PDXDC1: variants seen among roughly 807,000 people sequenced by gnomAD.
PDXDC1 encodes the protein pyridoxal dependent decarboxylase domain containing 1.
In PDXDC1, 42 loss-of-function variants were observed where a neutral mutation model predicts 100.1. The observed-to-expected ratio is 0.42, with a 90% confidence interval of 0.33 to 0.54. PDXDC1 has a LOEUF of 0.54. PDXDC1 is among the 20% of genes least tolerant of loss of function. The probability of loss-of-function intolerance (pLI) is 0.10; values close to 1 mark genes in which losing one functional copy is unlikely to be tolerated. For synonymous variants in PDXDC1, 260 were observed against 371.7 expected, an observed-to-expected ratio of 0.70 and a Z score of 3.46; for missense variants, 636 against 979.2, an observed-to-expected ratio of 0.65 and a Z score of 4.68.
chr16:15,024,519 TCTC>T (rs1263964230), intron 13 of PDXDC1, among the ~76,000 whole-genome samples: 1 of 152,208 alleles, frequency 6.6e-6, no homozygotes, highest in African/African-American at 2.4e-5. Flanking sequence ...TTCAAGCAGT[TCTC>T]CTGCCTCAGC....
chr16:15,094,132 G>A, intron 16 of PDXDC1: 3 of 1,586,562 alleles, frequency 1.9e-6, no homozygotes, highest in Non-Finnish European at 2.6e-6. Context: ...GAAGGAAGCG[G>A]CCTGAATCTT....
chr16:15,083,532 C>T (rs776638982), intron 16 of PDXDC1: 9 of 1,608,430 alleles, frequency 5.6e-6, no homozygotes, highest in Admixed American at 1.7e-5. Context: ...CTCTGATTTT[C>T]GAACAAATGG....
chr16:14,987,566 A>T (rs1382725329), intron 1 of PDXDC1, among the ~76,000 whole-genome samples: 1 of 152,282 alleles, frequency 6.6e-6, no homozygotes, highest in Admixed American at 6.5e-5. Flanking sequence ...GGATTCAGAA[A>T]TTATTTGACA....
At chr16:15,137,269 G>C in intron 16 of PDXDC1, 2 of 798,106 alleles carry the variant, frequency 2.5e-6, no homozygotes, top group Middle Eastern at 3.6e-4. Context: ...CAGGGAAGAC[G>C]TGCTGGAGGA....
chr16:15,071,277 G>T (rs774929795), intron 16 of PDXDC1: 4 of 1,575,014 alleles, frequency 2.5e-6, no homozygotes, highest in Non-Finnish European at 1.7e-6. Context: ...GCGTCGGTGT[G>T]ATCTTTTTTA....
chr16:15,060,689 T>C (rs556744197), intron 16 of PDXDC1: 34 of 152,398 alleles, frequency 2.2e-4, no homozygotes, highest in African/African-American at 8.2e-4. Context: ...GTTATAAAAA[T>C]ACAAAAAGAG....
the PDXDC1 span, among the ~76,000 whole-genome samples, chr16:15,147,035 T>C: frequency 6.6e-6 from 1 of 151,134 alleles, no homozygotes; most frequent in African/African-American, 2.4e-5. Context: ...TTCCTGAAAC[T>C]GAACAGGAAA....
At chr16:15,082,775 A>C (rs535935306) in intron 16 of PDXDC1, among the ~76,000 whole-genome samples, 1 of 152,260 alleles carries the variant, frequency 6.6e-6, no homozygotes, top group South Asian at 2.1e-4. Context: ...GTTTTCTACT[A>C]AGGCAACCAC....
intron 16 of PDXDC1, chr16:15,045,790 A>G (rs1039310540): frequency 1.3e-5 from 2 of 152,284 alleles, no homozygotes; most frequent in Non-Finnish European, 2.9e-5. Context: ...ACAGCCCGTC[A>G]AGTGGGCGAA....
chr16:15,093,162 GC>G (rs2151830812), intron 16 of PDXDC1, among the ~76,000 whole-genome samples: 1 of 152,176 alleles, frequency 6.6e-6, no homozygotes, highest in African/African-American at 2.4e-5. Context: ...CTGCCACCAT[GC>G]CCGGCTGATT....
chr16:15,052,429 T>G (rs2044330394), intron 16 of PDXDC1, among the ~76,000 whole-genome samples: 1 of 152,178 alleles, frequency 6.6e-6, no homozygotes, highest in Admixed American at 6.5e-5. Context: ...AGCTGTGACC[T>G]GGGGGATGAT....
In PDXDC1 at chr16:15,036,342, G is replaced by C; in HGVS notation, c.*67G>C. On this transcript the variant is annotated 3_prime_UTR_variant, in exon 23 of 23. Coordinates refer to ENST00000396410, the MANE Select transcript of PDXDC1 (RefSeq NM_015027.4). ...GGGAAGATGAAGTTCTATTGGAAAT[G>C]TGAACTGTGCCACATACTAATATAA... 7.2e-7 allele frequency: 1 copy of C among 1,391,582 alleles called. No homozygotes were observed. The highest frequency in any genetic ancestry group is 1.3e-5 in the South Asian group (1 of 77,382). The allele number at this position is 1,391,582 out of a possible 1,614,324, so 86.2% of individuals were successfully genotyped here. A position where few individuals can be genotyped will look rare whatever the true frequency, so the allele number is the denominator to read the frequency against.
chr16:15,044,522 C>A (rs758655524), intron 16 of PDXDC1: 30 of 740,098 alleles, frequency 4.1e-5, no homozygotes, highest in Non-Finnish European at 5.2e-5. Context: ...AGCAGAGCTG[C>A]AGGTCATCTT....
intron 13 of PDXDC1, among the ~76,000 whole-genome samples, chr16:15,023,803 G>T (rs1386484518): frequency 3.3e-5 from 5 of 152,296 alleles, no homozygotes; most frequent in African/African-American, 1.2e-4. Flanking sequence ...AAGCAGAAGG[G>T]ATGAATCTAA....
At chr16:15,060,879 T>G (rs2044684543) in intron 16 of PDXDC1, 1 of 152,216 alleles carries the variant, frequency 6.6e-6, no homozygotes, top group Non-Finnish European at 1.5e-5. Flanking sequence ...CAAAACTGAC[T>G]CGATCTAATG....
At chr16:15,124,140 C>G (rs989343544) in intron 16 of PDXDC1, among the ~76,000 whole-genome samples, 13 of 152,178 alleles carry the variant, frequency 8.5e-5, no homozygotes, top group Non-Finnish European at 7.3e-5. Context: ...TGTTTGCCCA[C>G]AATACCCAGA....
At chr16:15,137,625 C>A (rs1379405673) in intron 16 of PDXDC1, 12 of 1,349,462 alleles carry the variant, frequency 8.9e-6, no homozygotes, top group Non-Finnish European at 1.1e-5. Context: ...CACTCACAGG[C>A]TCCCATGCTG....
chr16:15,067,072 T>C (rs2966191), intron 16 of PDXDC1, among the ~76,000 whole-genome samples: 82,512 of 131,422 alleles, frequency 0.63, 27,986 homozygotes, highest in Non-Finnish European at 0.74. Flanking sequence ...ACCCACTCAC[T>C]GCCGTTGCTT....
At chr16:15,141,756 G>C (rs2048478642), downstream of PDXDC1, among the ~76,000 whole-genome samples, 1 of 152,234 alleles carries the variant, frequency 6.6e-6, no homozygotes, top group Non-Finnish European at 1.5e-5. Context: ...CCCCGCCGTG[G>C]GGTGGGACAG....
Sources: allele counts gnomAD v4.1 joint callset (sites outside exome capture counted in the v4.1 genomes callset), GRCh38; gene constraint gnomAD v4.1.1; transcripts MANE v1.5; gene names NCBI Gene and HGNC (gene_info 2026-07-23, HGNC 2026-07-21).